FAM222B: variants seen among roughly 807,000 people sequenced by gnomAD.
FAM222B encodes the protein family with sequence similarity 222 member B.
FAM222B carries 12 observed loss-of-function variants against 38.0 expected under a neutral mutation model. The observed-to-expected ratio is 0.32, with a 90% CI of 0.20 to 0.51. FAM222B has a LOEUF of 0.51. Ranked by LOEUF, FAM222B falls within the 20% of genes least tolerant of loss-of-function variation. The pLI is 0.97. For synonymous variants in FAM222B, 329 were observed against 317.2 expected, an observed-to-expected ratio of 1.04 and a Z score of -0.40; for missense variants, 716 against 754.2, an observed-to-expected ratio of 0.95 and a Z score of 0.59.
At chr17:28,824,179 G>T (rs1377956311) in intron 1 of FAM222B, among the ~76,000 whole-genome samples, 4 of 149,000 alleles carry the variant, frequency 2.7e-5, no homozygotes, top group Non-Finnish European at 6.0e-5. Flanking sequence ...GCCCGGCCGA[G>T]AATTTTTTTT....
At chr17:28,785,552 T>G (rs2036369137) in intron 1 of FAM222B, among the ~76,000 whole-genome samples, 1 of 152,196 alleles carries the variant, frequency 6.6e-6, no homozygotes, top group Non-Finnish European at 1.5e-5. Flanking sequence ...ATATTATTTT[T>G]GAGACAGAGT....
chr17:28,768,085 G>A (rs776174008), intron 1 of FAM222B, among the ~76,000 whole-genome samples: 16 of 152,150 alleles, frequency 1.1e-4, no homozygotes, highest in South Asian at 2.1e-4. Flanking sequence ...CTTCTGTAGC[G>A]AAAGAAGCCC....
intron 1 of FAM222B, among the ~76,000 whole-genome samples, chr17:28,823,916 C>T (rs1289288819): frequency 7.2e-6 from 1 of 139,232 alleles, no homozygotes; most frequent in African/African-American, 2.7e-5. Flanking sequence ...CTTGCTCTGT[C>T]GCCCAGGCTG....
intron 1 of FAM222B, among the ~76,000 whole-genome samples, chr17:28,841,740 C>G (rs544635578): frequency 6.6e-5 from 10 of 152,268 alleles, no homozygotes; most frequent in African/African-American, 2.4e-4. Context: ...TAGCTATGTT[C>G]AGAAAATATT....
chr17:28,821,251 C>A (rs1003130494), intron 1 of FAM222B, among the ~76,000 whole-genome samples: 1 of 152,198 alleles, frequency 6.6e-6, no homozygotes, highest in South Asian at 2.1e-4. Flanking sequence ...CTGCGCCTGG[C>A]CAAAACTCTA....
intron 1 of FAM222B, among the ~76,000 whole-genome samples, chr17:28,816,277 A>C (rs2038021099): frequency 6.6e-6 from 1 of 152,188 alleles, no homozygotes; most frequent in African/African-American, 2.4e-5. Context: ...CGTCTCAAAA[A>C]ATAAATAAGT....
Position 28,759,282 on chromosome 17 carries a change from A to G in FAM222B, c.677T>C (p.Leu226Ser), listed in dbSNP as rs2034926759. 3.7e-6 allele frequency: 6 copies of G among 1,612,898 alleles called. No individual in the cohort carries two copies. Among genetic ancestry groups the G allele is most frequent in the Non-Finnish European group, 5.1e-6 (6 of 1,179,600 alleles). The part of the protein sequence containing the change: ...HQGLQHPHNP[L>S]LHGGRKMPDS... ...TGGCATCTTCCGGCCTCCATGCAGCAAGGGATTGTGGGGGTGCTGGAGACC... is the reference window on the plus strand; with the variant it reads ...TGGCATCTTCCGGCCTCCATGCAGCGAGGGATTGTGGGGGTGCTGGAGACC... Residue 226 changes from leucine (L) to serine (S), a missense_variant, in exon 3 of 3, where the codon TTG (leucine) becomes TCG (serine). Leu to Ser is a moderately radical substitution (Grantham distance 145, BLOSUM62 -2). Coordinates refer to ENST00000581407, the MANE Select transcript of FAM222B (RefSeq NM_001077498.3). The surrounding 1 kb of genome is among the most constrained non-coding windows in gnomAD (Gnocchi z 4.8).
At chr17:28,831,355 C>T (rs912133374) in intron 1 of FAM222B, among the ~76,000 whole-genome samples, 1 of 152,002 alleles carries the variant, frequency 6.6e-6, no homozygotes, top group Non-Finnish European at 1.5e-5. Context: ...TCTGCCAATA[C>T]CACACTGTCT....
At chr17:28,838,989 G>C (rs2038945067) in intron 1 of FAM222B, among the ~76,000 whole-genome samples, 1 of 152,072 alleles carries the variant, frequency 6.6e-6, no homozygotes, top group African/African-American at 2.4e-5. Context: ...CAGATCACAA[G>C]GTCAGGAGAT....
chr17:28,828,397 T>TA (rs972543168), intron 1 of FAM222B, among the ~76,000 whole-genome samples: 13 of 149,242 alleles, frequency 8.7e-5, no homozygotes, highest in Non-Finnish European at 1.6e-4. Context: ...ACCCCATCTC[T>TA]AAAAAAAAAT....
chr17:28,804,482 G>C (rs190679461), intron 1 of FAM222B, among the ~76,000 whole-genome samples: 1 of 151,844 alleles, frequency 6.6e-6, no homozygotes, highest in South Asian at 2.1e-4. Flanking sequence ...CTACAGGCAC[G>C]CGCCACCACG....
chr17:28,852,239 C>T (rs1011566343), intron 1 of FAM222B, among the ~76,000 whole-genome samples: 3 of 151,590 alleles, frequency 2.0e-5, no homozygotes, highest in Non-Finnish European at 2.9e-5. Flanking sequence ...TGGTGGTGGG[C>T]GCCTGCAGTC....
chr17:28,840,769 C>T (rs1433672412), intron 1 of FAM222B, among the ~76,000 whole-genome samples: 1 of 151,538 alleles, frequency 6.6e-6, no homozygotes, highest in Non-Finnish European at 1.5e-5. Context: ...CCAGCCTGTC[C>T]AGCAATGGAG....
chr17:28,757,674 G>A lies in FAM222B; in HGVS notation c.*596C>T, dbSNP rs1325394111. The A allele has an allele frequency of 1.3e-5, 2 of 152,186 alleles. No individual in the cohort carries two copies. Among genetic ancestry groups the A allele is most frequent in the Admixed American group, 1.3e-4 (2 of 15,272 alleles). The allele number at this position is 152,186 out of a possible 1,614,324, so 9.4% of individuals were successfully genotyped here. ...CAAGATGCCCTTGAGATCAAGTGTGGCAAGGGCAAGTGCAGTGGCTGTGGG... is the reference window on the plus strand; with the variant it reads ...CAAGATGCCCTTGAGATCAAGTGTGACAAGGGCAAGTGCAGTGGCTGTGGG... On this transcript the variant is annotated 3_prime_UTR_variant, in exon 3 of 3. Transcript: ENST00000581407.
At chr17:28,785,890 A>G (rs2036390450) in intron 1 of FAM222B, among the ~76,000 whole-genome samples, 1 of 152,102 alleles carries the variant, frequency 6.6e-6, no homozygotes, top group Non-Finnish European at 1.5e-5. Flanking sequence ...TTGTATTTTT[A>G]GTAGAGACGG....
At chr17:28,784,590 G>A (rs1376490002) in intron 1 of FAM222B, among the ~76,000 whole-genome samples, 2 of 142,808 alleles carry the variant, frequency 1.4e-5, no homozygotes, top group Non-Finnish European at 3.0e-5. Context: ...TGTAATCCCA[G>A]CACTCTGGGA....
Position 28,790,884 on chromosome 17 carries a change from CTTTTTTTTTTTTTT to C in FAM222B, c.-40-24191_-40-24178del, listed in dbSNP as rs60664262. Among the ~76,000 whole-genome samples, 199 of 86,096 alleles carry C rather than the reference CTTTTTTTTTTTTTT, an allele frequency of 2.3e-3. 13 individuals are homozygous for C. Among genetic ancestry groups the C allele is most frequent in the African/African-American group, 6.6e-3 (142 of 21,610 alleles). 56.5% of individuals were successfully genotyped at this position (86,096 alleles called of 152,430 possible). A position where few individuals can be genotyped will look rare whatever the true frequency, so the allele number is the denominator to read the frequency against. ...GTTCTATATATTTCAAATTGTTTCACTTTTTTTTTTTTTTTTTTTTTTTTTTTTTTTAGAGACAG... is the reference window on the plus strand; with the variant it reads ...GTTCTATATATTTCAAATTGTTTCACTTTTTTTTTTTTTTTTTAGAGACAG... On this transcript the variant is annotated intron_variant, in intron 1 of 2. Coordinates refer to ENST00000581407, the MANE Select transcript of FAM222B (RefSeq NM_001077498.3).
chr17:28,781,705 TAGAA>T (rs1407610702), intron 1 of FAM222B, among the ~76,000 whole-genome samples: 2 of 152,130 alleles, frequency 1.3e-5, no homozygotes, highest in East Asian at 1.9e-4. Context: ...TATTCAGTCT[TAGAA>T]AGAAATCCTG....
intron 1 of FAM222B, among the ~76,000 whole-genome samples, chr17:28,807,077 A>G (rs2037528336): frequency 6.6e-6 from 1 of 151,452 alleles, no homozygotes; most frequent in East Asian, 1.9e-4. Context: ...GTGCAATGGC[A>G]CAATCTCGGC....
Sources: gnomAD v4.1 joint callset for allele counts (sites outside exome capture counted in the v4.1 genomes callset) on GRCh38, gnomAD v4.1.1 for gene constraint, Gnocchi (gnomAD v3.1) non-coding constraint, MANE v1.5 for transcripts, NCBI Gene and HGNC (gene_info 2026-07-23, HGNC 2026-07-21) for gene names.